MACROD2: variants seen among roughly 807,000 people sequenced by gnomAD.
MACROD2 encodes ADP-ribose glycohydrolase MACROD2.
MACROD2 carries 36 observed loss-of-function variants against 70.4 expected under a neutral mutation model. That is an observed-to-expected ratio of 0.51 (90% CI 0.39 to 0.68). The LOEUF (loss-of-function observed/expected upper bound fraction) is 0.68, where lower values mean the gene tolerates loss of function less well. Among genes scored for constraint, MACROD2 ranks in the 30% least tolerant of loss-of-function variants. MACROD2 has a pLI of 0.00. For missense variants in MACROD2, 496 were observed against 538.4 expected, an observed-to-expected ratio of 0.92 and a Z score of 0.78; for synonymous variants, 172 against 178.8, an observed-to-expected ratio of 0.96 and a Z score of 0.30.
rs142899395 is a variant in MACROD2, at chr20:14,277,714, TGAGA to T, written c.271+191999_271+192002del. 4.2e-5 allele frequency among the ~76,000 whole-genome samples: 6 copies of T among 144,350 alleles called. No individual in the cohort carries two copies. The South Asian group carries it at 1.1e-3, about 27-fold the overall frequency. The allele number at this position is 144,350 out of a possible 152,430, so 94.7% of individuals were successfully genotyped here. A position where few individuals can be genotyped will look rare whatever the true frequency, so the allele number is the denominator to read the frequency against. On this transcript the variant is annotated intron_variant, in intron 3 of 17. Coordinates refer to ENST00000684519, the MANE Select transcript of MACROD2 (RefSeq NM_001351661.2). ...TGTACTCTTAAAAAAAAAGAGAGAG[TGAGA>T]GAGAGAGAGAGAAAAGAAATAGGTA...
intron 5 of MACROD2, among the ~76,000 whole-genome samples, chr20:15,144,663 G>A (rs563932274): frequency 8.5e-5 from 13 of 152,062 alleles, no homozygotes; most frequent in Non-Finnish European, 1.0e-4. Context: ...AAATAATCAG[G>A]TAAATGTCAC....
rs6042764 is a variant in MACROD2, at chr20:14,493,340, T to C, written c.272-139T>C. 4,851 of 526,730 alleles carry C rather than the reference T, an allele frequency of 9.2e-3. 198 individuals carry two copies. The highest frequency in any genetic ancestry group is 0.085 in the African/African-American group (4,330 of 50,670). The allele number at this position is 526,730 out of a possible 1,614,324, so 32.6% of individuals were successfully genotyped here. ...ATAAAATAGTAATACAGGCTGTCTT[T>C]AAATGAAAGTAAATATTTTGTGTTT... On this transcript the variant is annotated intron_variant, in intron 3 of 17. Transcript: ENST00000684519.
intron 15 of MACROD2, among the ~76,000 whole-genome samples, chr20:16,013,006 C>A (rs759917447): frequency 2.4e-4 from 37 of 152,206 alleles, no homozygotes; most frequent in Non-Finnish European, 4.6e-4. Context: ...ATGGTGAAAC[C>A]CCATCTCTAC....
chr20:14,763,107 G>A (rs758224051), intron 5 of MACROD2, among the ~76,000 whole-genome samples: 52 of 152,060 alleles, frequency 3.4e-4, no homozygotes, highest in Non-Finnish European at 6.3e-4. Flanking sequence ...GGAAGTGGAT[G>A]TTAAGGAATG....
chr20:14,561,016 C>T (rs1370216144), intron 4 of MACROD2, among the ~76,000 whole-genome samples: 1 of 151,672 alleles, frequency 6.6e-6, no homozygotes, highest in Non-Finnish European at 1.5e-5. Flanking sequence ...ACTGTCAGAT[C>T]CAAATAAAGT....
chr20:14,925,956 G>A (rs2074225662), intron 5 of MACROD2, among the ~76,000 whole-genome samples: 1 of 152,094 alleles, frequency 6.6e-6, no homozygotes, highest in Admixed American at 6.5e-5. Flanking sequence ...TTTGGAGACA[G>A]GAAATACTGG....
chr20:14,712,087 T>C (rs892035732), intron 5 of MACROD2, among the ~76,000 whole-genome samples: 1 of 152,140 alleles, frequency 6.6e-6, no homozygotes, highest in Admixed American at 6.6e-5. Flanking sequence ...TTTTCAAGAT[T>C]GGGTCAATTT....
intron 5 of MACROD2, among the ~76,000 whole-genome samples, chr20:15,071,542 G>A (rs1175310675): frequency 6.6e-6 from 1 of 152,124 alleles, no homozygotes; most frequent in Non-Finnish European, 1.5e-5. Context: ...ATTTGCTCAA[G>A]TATTTCACAC....
At chr20:15,839,817 A>G (rs2064152327) in intron 8 of MACROD2, among the ~76,000 whole-genome samples, 1 of 152,136 alleles carries the variant, frequency 6.6e-6, no homozygotes, top group Non-Finnish European at 1.5e-5. Context: ...TTATTATATT[A>G]CATTGTAATT....
intron 3 of MACROD2, among the ~76,000 whole-genome samples, chr20:14,426,825 T>C (rs1175040986): frequency 6.6e-6 from 1 of 152,170 alleles, no homozygotes; most frequent in Admixed American, 6.5e-5. Flanking sequence ...TTAATCTCTC[T>C]GTTTTCAGTG....
At position 14,036,830 on chromosome 20, in the gene MACROD2, C is replaced by CT; in HGVS notation, c.163+34430dup. 1.3e-5 allele frequency among the ~76,000 whole-genome samples: 2 copies of CT among 152,290 alleles called. 1 individual carries two copies. ...TGGTGTGCACCACCACGCCTAGCCACTTTTGTGTTTTTTGTAGAGACGGGG... is the reference window on the plus strand; with the variant it reads ...TGGTGTGCACCACCACGCCTAGCCACTTTTTGTGTTTTTTGTAGAGACGGGG... On this transcript the variant is annotated intron_variant, in intron 2 of 17. Coordinates refer to ENST00000684519, the MANE Select transcript of MACROD2 (RefSeq NM_001351661.2).
chr20:14,887,891 T>C (rs2073700986), intron 5 of MACROD2, among the ~76,000 whole-genome samples: 1 of 148,962 alleles, frequency 6.7e-6, no homozygotes, highest in South Asian at 2.1e-4. Context: ...TGTGTTCAGC[T>C]CTTTTGTTTA....
intron 3 of MACROD2, among the ~76,000 whole-genome samples, chr20:14,107,037 C>G (rs1403656004): frequency 1.3e-5 from 2 of 152,130 alleles, no homozygotes; most frequent in Non-Finnish European, 2.9e-5. Flanking sequence ...AATGACCTCA[C>G]CCAATGAACT....
chr20:15,098,517 C>G (rs1005648916), intron 5 of MACROD2, among the ~76,000 whole-genome samples: 1 of 152,160 alleles, frequency 6.6e-6, no homozygotes, highest in Non-Finnish European at 1.5e-5. Context: ...CACGTAATGC[C>G]TTTGTTGGAC....
At chr20:14,775,340 C>T (rs546945202) in intron 5 of MACROD2, among the ~76,000 whole-genome samples, 1 of 152,054 alleles carries the variant, frequency 6.6e-6, no homozygotes, top group East Asian at 1.9e-4. Context: ...TATTTTGGCT[C>T]ATGGTTCTGT....
chr20:14,559,029 C>T lies in MACROD2; in HGVS notation c.301+65521C>T, dbSNP rs886735953. On this transcript the variant is annotated intron_variant, in intron 4 of 17. Coordinates refer to ENST00000684519, the MANE Select transcript of MACROD2 (RefSeq NM_001351661.2). The stretch of plus-strand genomic sequence containing the variant: ...ATCGATTTAATTCCATGAGTTGTAA[C>T]GTTCTTGATACCATATTTGTTCTAA... Among the ~76,000 whole-genome samples the T allele has an allele frequency of 2.6e-5, 4 of 151,760 alleles. No homozygotes were observed. The East Asian group carries it at 5.8e-4, about 22-fold the overall frequency.
chr20:14,322,202 T>TATATATATATATATATATATATATATA (rs1568553958), intron 3 of MACROD2, among the ~76,000 whole-genome samples: 2 of 53,748 alleles, frequency 3.7e-5, no homozygotes, highest in Admixed American at 1.7e-4. Flanking sequence ...ATATATATAT[T>TATATATATATATATATATATATATATA]TTGTATTTTG....
At chr20:14,454,041 G>T (rs187963135) in intron 3 of MACROD2, among the ~76,000 whole-genome samples, 1 of 151,986 alleles carries the variant, frequency 6.6e-6, no homozygotes, top group East Asian at 1.9e-4. Context: ...TATTAGCAAT[G>T]TATGATAGTG....
At chr20:14,769,127 C>T (rs1039312922) in intron 5 of MACROD2, among the ~76,000 whole-genome samples, 9 of 151,998 alleles carry the variant, frequency 5.9e-5, no homozygotes, top group Non-Finnish European at 1.3e-4. Flanking sequence ...GATATGTTTT[C>T]CCCCATCGGA....
Sources: gnomAD v4.1 joint callset for allele counts (sites outside exome capture counted in the v4.1 genomes callset) on GRCh38, gnomAD v4.1.1 for gene constraint, MANE v1.5 for transcripts, NCBI Gene and HGNC (gene_info 2026-07-23, HGNC 2026-07-21) for gene names.